The following GRM7 variants were observed in gnomAD, a reference collection of about 807,000 sequenced individuals.
GRM7 encodes the protein metabotropic glutamate receptor 7.
GRM7 carries 35 observed loss-of-function variants against 84.5 expected under a neutral mutation model. The ratio of observed to expected loss-of-function variants is 0.41; its 90% CI spans 0.32 to 0.55. The LOEUF (loss-of-function observed/expected upper bound fraction) is 0.55. Among genes scored for constraint, GRM7 ranks in the 20% least tolerant of loss-of-function variants. The pLI is 0.19. For missense variants in GRM7, 1,003 were observed against 1,194.6 expected (o/e 0.84, Z 2.36); for synonymous variants, 487 against 455.1 (o/e 1.07, Z -0.89).
At chr3:7,257,882 A>T (rs572215710) in intron 2 of GRM7, among the ~76,000 whole-genome samples, 1 of 152,288 alleles carries the variant, frequency 6.6e-6, no homozygotes, top group East Asian at 1.9e-4. Context: ...TTTTATAGGA[A>T]CATGGGTGAT....
intron 9 of GRM7, among the ~76,000 whole-genome samples, chr3:7,739,770 G>T (rs959547279): frequency 6.6e-6 from 1 of 152,198 alleles, no homozygotes; most frequent in Non-Finnish European, 1.5e-5. Context: ...AATGTAGAGT[G>T]TGTATGTGTC....
At chr3:7,125,321 G>A (rs1396056228) in intron 1 of GRM7, among the ~76,000 whole-genome samples, 1 of 152,218 alleles carries the variant, frequency 6.6e-6, no homozygotes. Context: ...AAGCCTAAGA[G>A]ATGGAGGCCA....
At chr3:7,664,021 T>G (rs1324201211) in intron 8 of GRM7, among the ~76,000 whole-genome samples, 1 of 152,214 alleles carries the variant, frequency 6.6e-6, no homozygotes, top group Non-Finnish European at 1.5e-5. Flanking sequence ...GTGCAAAGCC[T>G]GTGCTACAGG....
At chr3:7,233,420 A>T (rs1267869850) in intron 2 of GRM7, among the ~76,000 whole-genome samples, 1 of 152,144 alleles carries the variant, frequency 6.6e-6, no homozygotes, top group Non-Finnish European at 1.5e-5. Context: ...GTTGGTTGAA[A>T]ATAAAGGGAT....
At chr3:7,645,481 A>T (rs1698585309) in intron 8 of GRM7, among the ~76,000 whole-genome samples, 1 of 141,632 alleles carries the variant, frequency 7.1e-6, no homozygotes, top group South Asian at 2.4e-4. Flanking sequence ...CAGGAGTCAG[A>T]GGTTGCAGTG....
intron 7 of GRM7, among the ~76,000 whole-genome samples, chr3:7,503,106 G>T (rs186780956): frequency 1.1e-3 from 165 of 152,084 alleles, no homozygotes; most frequent in Non-Finnish European, 1.8e-3. Flanking sequence ...TAGAAAGCTG[G>T]GCAGAGGAAA....
chr3:7,024,290 G>A (rs1181591447), intron 1 of GRM7, among the ~76,000 whole-genome samples: 1 of 152,158 alleles, frequency 6.6e-6, no homozygotes, highest in Non-Finnish European at 1.5e-5. Flanking sequence ...CTGCAAGAGG[G>A]AGGGGTAATA....
chr3:7,087,918 G>A (rs902338123), intron 1 of GRM7, among the ~76,000 whole-genome samples: 7 of 152,278 alleles, frequency 4.6e-5, no homozygotes, highest in South Asian at 2.1e-4. Flanking sequence ...GAGAGACAAC[G>A]TAGTTTAGAG....
At chr3:6,865,980 A>C (rs17046195) in intron 1 of GRM7, among the ~76,000 whole-genome samples, 12,250 of 152,248 alleles carry the variant, frequency 0.08, 607 homozygotes, top group East Asian at 0.19. Flanking sequence ...GTGAGTGGGA[A>C]ATTTTTAAAG....
intron 1 of GRM7, among the ~76,000 whole-genome samples, chr3:7,075,391 C>G (rs1698029223): frequency 6.6e-6 from 1 of 152,126 alleles, no homozygotes; most frequent in Non-Finnish European, 1.5e-5. Context: ...TCTTCCTTCT[C>G]TATAACTTCT....
In GRM7 at chr3:7,253,012, T is replaced by TAAA. The variant is rs539835390; in HGVS notation, c.737-45649_737-45647dup. Among the ~76,000 whole-genome samples, 593 of 70,788 alleles carry TAAA rather than the reference T, an allele frequency of 8.4e-3. 14 individuals are homozygous for TAAA. Among genetic ancestry groups the TAAA allele is most frequent in the African/African-American group, 0.027 (477 of 17,558 alleles). The allele number at this position is 70,788 out of a possible 152,430, so 46.4% of individuals were successfully genotyped here. A position where few individuals can be genotyped will look rare whatever the true frequency, so the allele number is the denominator to read the frequency against. ...GCCAATACCAATTTCTGGCTTTTCTTAAAAAAAAAAAAAAAAAAAAAAAAA... is the reference window on the plus strand; with the variant it reads ...GCCAATACCAATTTCTGGCTTTTCTTAAAAAAAAAAAAAAAAAAAAAAAAAAAA... On this transcript the variant is annotated intron_variant, in intron 2 of 9. Coordinates refer to ENST00000357716, the MANE Select transcript of GRM7 (RefSeq NM_000844.4).
chr3:7,456,854 G>T (rs1698039446), intron 6 of GRM7, among the ~76,000 whole-genome samples: 1 of 152,112 alleles, frequency 6.6e-6, no homozygotes, highest in Admixed American at 6.6e-5. Context: ...GTAAAGCAAA[G>T]AAGCTGTGCT....
At chr3:7,092,070 G>A (rs953304526) in intron 1 of GRM7, among the ~76,000 whole-genome samples, 4 of 152,048 alleles carry the variant, frequency 2.6e-5, no homozygotes, top group African/African-American at 4.8e-5. Context: ...GTGAAGTGGC[G>A]TGATCTCAGC....
chr3:6,998,119 C>CAAAAAAAAAAAAAAAA (rs3063449), intron 1 of GRM7, among the ~76,000 whole-genome samples: 2,081 of 18,410 alleles, frequency 0.11, 964 homozygotes, highest in East Asian at 0.19. Flanking sequence ...ATCTCCATCT[C>CAAAAAAAAAAAAAAAA]AAAAAAAAAA....
chr3:6,863,125 G>GTT lies in GRM7; in HGVS notation c.519+1227_519+1228dup, dbSNP rs554876053. 7,016 of 305,320 alleles carry GTT rather than the reference G, an allele frequency of 0.023. 83 individuals carry two copies. The highest frequency in any genetic ancestry group is 0.033 in the Non-Finnish European group (5,004 of 153,710). 18.9% of individuals were successfully genotyped at this position (305,320 alleles called of 1,614,324 possible). On this transcript the variant is annotated intron_variant, in intron 1 of 9. Transcript: ENST00000357716. The surrounding 1 kb of genome is among the most constrained non-coding windows in gnomAD (Gnocchi z 4.8). ...CTCTTTCTGTCTCTGTCTCCTTGCT[G>GTT]TTTTTTTTTTCTCTCTGTTTTTTCT...
At chr3:7,022,050 G>A (rs770243071) in intron 1 of GRM7, among the ~76,000 whole-genome samples, 4 of 152,076 alleles carry the variant, frequency 2.6e-5, no homozygotes, top group South Asian at 2.1e-4. Flanking sequence ...ACTCTAGGCC[G>A]GGGACAGGGG....
intron 1 of GRM7, among the ~76,000 whole-genome samples, chr3:6,917,480 A>G (rs1483207741): frequency 6.9e-6 from 1 of 145,084 alleles, no homozygotes; most frequent in Non-Finnish European, 1.5e-5. Flanking sequence ...AAATCAATGA[A>G]GTTTTGTTAA....
At chr3:7,530,092 T>TACCCCCC in intron 7 of GRM7, among the ~76,000 whole-genome samples, 1 of 119,544 alleles carries the variant, frequency 8.4e-6, no homozygotes, top group African/African-American at 3.0e-5. Context: ...CCCTCCCCTA[T>TACCCCCC]CCCCCCCACC....
At chr3:7,049,351 A>G (rs757028435) in intron 1 of GRM7, among the ~76,000 whole-genome samples, 1 of 151,998 alleles carries the variant, frequency 6.6e-6, no homozygotes, top group Non-Finnish European at 1.5e-5. Flanking sequence ...GAGCAAAGTC[A>G]CATCTTACAT....
Sources: gnomAD v4.1 joint callset for allele counts (sites outside exome capture counted in the v4.1 genomes callset) on GRCh38, gnomAD v4.1.1 for gene constraint, Gnocchi (gnomAD v3.1) non-coding constraint, MANE v1.5 for transcripts, NCBI Gene and HGNC (gene_info 2026-07-23, HGNC 2026-07-21) for gene names.